Variants in EXOSC10 observed in about 807,000 individuals in gnomAD.
EXOSC10 encodes exosome component 10, also known as exosome complex component 10.
EXOSC10 carries 94 observed loss-of-function variants against 126.6 expected under a neutral mutation model. That is an observed-to-expected ratio of 0.74 (90% CI 0.63 to 0.88). The LOEUF is 0.88. Among genes scored for constraint, EXOSC10 ranks in the 40% least tolerant of loss-of-function variants. The probability of loss-of-function intolerance (pLI) is 0.00; values close to 1 mark genes in which losing one functional copy is unlikely to be tolerated. For synonymous variants in EXOSC10, 395 were observed against 400.8 expected (o/e 0.99, Z 0.17); for missense variants, 1,041 against 1,100.5 (o/e 0.95, Z 0.77).
chr1:11,075,613 G>T (rs567168143), intron 17 of EXOSC10, among the ~76,000 whole-genome samples: 1 of 152,060 alleles, frequency 6.6e-6, no homozygotes, highest in Non-Finnish European at 1.5e-5. Flanking sequence ...CTAAAGCAAG[G>T]CCCAATCTAG....
At position 11,099,703 on chromosome 1, in the gene EXOSC10, G is replaced by T; in HGVS notation, c.111+18C>A. 1 of 1,590,976 alleles carries T rather than the reference G, an allele frequency of 6.3e-7. No homozygotes were observed. Among genetic ancestry groups the T allele is most frequent in the Non-Finnish European group, 8.6e-7 (1 of 1,167,560 alleles). ...GCCGCGGGCGACTCCTGGTACCCCC[G>T]AGGCCCCGCGAACTCACCTTCACAA... On this transcript the variant is annotated intron_variant, in intron 1 of 24. Transcript: ENST00000376936.
At chr1:11,083,201 A>C (rs1160634609) in intron 9 of EXOSC10, among the ~76,000 whole-genome samples, 1 of 152,138 alleles carries the variant, frequency 6.6e-6, no homozygotes, top group Admixed American at 6.5e-5. Flanking sequence ...CTCCTGCCTC[A>C]GCTCCCCAAA....
chr1:11,079,845 T>G (rs772530506), intron 13 of EXOSC10, 23 bp from the exon 14 acceptor site: 2 of 1,565,450 alleles, frequency 1.3e-6, no homozygotes, highest in South Asian at 2.3e-5. Context: ...AAGAACACAC[T>G]CAACTTGTCA....
At chr1:11,087,321 C>G in intron 9 of EXOSC10, 127 bp downstream of exon 9, 1 of 1,120,676 alleles carries the variant, frequency 8.9e-7, no homozygotes, top group Non-Finnish European at 1.3e-6. Context: ...GCACTGTACC[C>G]TAGTTAGGAA....
chr1:11,087,680 T>C, intron 8 of EXOSC10, 89 bp from the exon 9 acceptor site: 1 of 1,537,350 alleles, frequency 6.5e-7, no homozygotes, highest in Non-Finnish European at 8.8e-7. Flanking sequence ...GCTACAAAGC[T>C]AAGTTATATG....
chr1:11,099,799 G>C lies in EXOSC10; in HGVS notation c.33C>G (p.Val11=). Residue 11 remains valine (V), a synonymous_variant, in exon 1 of 25, where the codon GTC becomes GTG. Coordinates refer to ENST00000376936, the MANE Select transcript of EXOSC10 (RefSeq NM_001001998.3). ...ATTTGGTTGCGCTGGTCGCCGACAGGACCCTGGGCTCCCGGGTACTGGGTG... is the reference window on the plus strand; with the variant it reads ...ATTTGGTTGCGCTGGTCGCCGACAGCACCCTGGGCTCCCGGGTACTGGGTG... MAPPSTREPR[V]LSATSATKSD... 3.1e-6 allele frequency: 5 copies of C among 1,611,750 alleles called. No individual in the cohort carries two copies. The highest frequency in any genetic ancestry group is 4.2e-6 in the Non-Finnish European group (5 of 1,178,928).
At chr1:11,079,662 G>T in intron 14 of EXOSC10, 49 bp downstream of exon 14, 1 of 1,507,382 alleles carries the variant, frequency 6.6e-7, no homozygotes, top group South Asian at 1.2e-5. Flanking sequence ...CCAAAGTGCT[G>T]AGATTATAGG....
intron 6 of EXOSC10, among the ~76,000 whole-genome samples, chr1:11,090,283 C>T (rs954894174): frequency 6.6e-6 from 1 of 152,198 alleles, no homozygotes; most frequent in African/African-American, 2.4e-5. Flanking sequence ...CAGGCGTAAG[C>T]CACCGCGCCC....
chr1:11,097,280 A>G lies in EXOSC10; in HGVS notation c.248+740T>C, dbSNP rs186388896. On this transcript the variant is annotated intron_variant, in intron 2 of 24. Transcript: ENST00000376936. ...ATAATCCCAGCTACTCGGGAGGCTG[A>G]GGCAGGAGAATCGCTTGAACCTGGG... is the stretch of plus-strand genomic sequence containing the variant. 8.0e-3 allele frequency among the ~76,000 whole-genome samples: 1,211 copies of G among 151,840 alleles called. 24 individuals carry two copies. The highest frequency in any genetic ancestry group is 0.028 in the African/African-American group (1,144 of 41,440).
Position 11,080,717 on chromosome 1 carries a change from T to C in EXOSC10, c.1586+47A>G, listed in dbSNP as rs778721562. On this transcript the variant is annotated intron_variant, in intron 12 of 24. Coordinates refer to ENST00000376936, the MANE Select transcript of EXOSC10 (RefSeq NM_001001998.3). The stretch of plus-strand genomic sequence containing the variant: ...AGCCCATTATTTACTTGTTATTAGA[T>C]CTCCTCAGTCTGGAAACAAGTATTA... The C allele has an allele frequency of 6.2e-6, 10 of 1,608,572 alleles. No individual in the cohort carries two copies. The Admixed American group carries it at 1.7e-4, about 27-fold the overall frequency.
chr1:11,095,094 C>T (rs1038884453), intron 3 of EXOSC10, among the ~76,000 whole-genome samples: 3 of 151,814 alleles, frequency 2.0e-5, no homozygotes, highest in Non-Finnish European at 4.4e-5. Context: ...TGCCTGTAAT[C>T]CCAGCTACTC....
At chr1:11,068,319 T>C (rs1457907991) in intron 23 of EXOSC10, among the ~76,000 whole-genome samples, 2 of 152,360 alleles carry the variant, frequency 1.3e-5, no homozygotes, top group Non-Finnish European at 2.9e-5. Context: ...ACAGCCACGC[T>C]GTTTCCCTGG....
At chr1:11,097,892 T>C (rs1387938991) in intron 2 of EXOSC10, 128 bp downstream of exon 2, 1 of 958,488 alleles carries the variant, frequency 1.0e-6, no homozygotes, top group East Asian at 3.2e-5. Context: ...ATTGCTTCAA[T>C]TTTCACATTT....
chr1:11,096,026 C>G, intron 2 of EXOSC10, 145 bp from the exon 3 acceptor site: 1 of 887,122 alleles, frequency 1.1e-6, no homozygotes, highest in Non-Finnish European at 1.7e-6. Flanking sequence ...CTCTGTTGCC[C>G]AGGCTGGAGT....
chr1:11,070,265 TAAAAAAAAA>T (rs35601923), intron 21 of EXOSC10, among the ~76,000 whole-genome samples: 1 of 100,594 alleles, frequency 9.9e-6, no homozygotes, highest in Non-Finnish European at 1.8e-5. Flanking sequence ...AAAAGGAAAT[TAAAAAAAAA>T]AAAAAAAAAA....
chr1:11,097,406 C>T (rs759514573), intron 2 of EXOSC10, among the ~76,000 whole-genome samples: 21 of 148,076 alleles, frequency 1.4e-4, no homozygotes, highest in Non-Finnish European at 3.1e-4. Context: ...AATAAAAATA[C>T]CTGCTACTCT....
rs770269398 is a variant in EXOSC10, at chr1:11,090,975, A to C, written c.643+39T>G. 3.8e-6 allele frequency: 6 copies of C among 1,597,274 alleles called. No homozygotes were observed. In the African/African-American group the frequency reaches 6.8e-5, roughly 18 times the overall value. On this transcript the variant is annotated intron_variant, in intron 5 of 24. Transcript: ENST00000376936. ...CCCTTCCTGGTTTTTGCATCAAATA[A>C]AGTGAGACTCAAACACAGGCAAAGT... is the stretch of plus-strand genomic sequence containing the variant.
At chr1:11,078,001 G>A (rs903478215) in intron 14 of EXOSC10, among the ~76,000 whole-genome samples, 1 of 152,148 alleles carries the variant, frequency 6.6e-6, no homozygotes, top group South Asian at 2.1e-4. Context: ...GGGGCTGGCA[G>A]GTGGCTCACA....
intron 16 of EXOSC10, 43 bp from the exon 17 acceptor site, chr1:11,076,991 TG>T (rs1196483543): frequency 6.6e-7 from 1 of 1,517,158 alleles, no homozygotes. Context: ...TACAGAATTT[TG>T]TTTATTTTTT....
Sources: allele counts gnomAD v4.1 joint callset (sites outside exome capture counted in the v4.1 genomes callset), GRCh38; gene constraint gnomAD v4.1.1; transcripts MANE v1.5; gene names NCBI Gene and HGNC (gene_info 2026-07-23, HGNC 2026-07-21).